The following USP47 variants were observed in gnomAD, a reference collection of about 807,000 sequenced individuals.
USP47 encodes ubiquitin specific peptidase 47, also known as ubiquitin carboxyl-terminal hydrolase 47.
Under a neutral mutation model 165.1 loss-of-function variants are expected in USP47, and 35 were observed. The ratio of observed to expected loss-of-function variants is 0.21; its 90% CI spans 0.16 to 0.28. USP47 has a LOEUF of 0.28. USP47 is among the 10% of genes least tolerant of loss of function. The probability of loss-of-function intolerance (pLI) is 1.00; values close to 1 mark genes in which losing one functional copy is unlikely to be tolerated. For synonymous variants in USP47, 531 were observed against 544.5 expected (o/e 0.98, Z 0.35); for missense variants, 1,277 against 1,607.4 (o/e 0.79, Z 3.52).
At chr11:11,871,942 A>C (rs1190422470) in intron 1 of USP47, among the ~76,000 whole-genome samples, 2 of 152,200 alleles carry the variant, frequency 1.3e-5, no homozygotes, top group Admixed American at 6.5e-5. Flanking sequence ...GATAAGGAGC[A>C]CCAACAGGAT....
At chr11:11,920,587 A>C in intron 10 of USP47, 93 bp downstream of exon 10, 19 of 1,155,494 alleles carry the variant, frequency 1.6e-5, no homozygotes, top group Non-Finnish European at 2.2e-5. Context: ...CACTGATGTC[A>C]TTTGGACTGT....
rs11022076 is a variant in USP47 at position 11,884,620 on chromosome 11, C to T, written c.357+40C>T. On this transcript the variant is annotated intron_variant, in intron 3 of 27. Coordinates refer to ENST00000527733, the MANE Select transcript of USP47 (RefSeq NM_001282659.2). The stretch of plus-strand genomic sequence containing the variant: ...AAGCCCCATATTTATAATTTTTGTG[C>T]ACTGTCACCTACTACTTGAGGATGC... 795 of 1,408,654 alleles carry T rather than the reference C, an allele frequency of 5.6e-4. 2 individuals carry two copies. The African/African-American group carries it at 7.9e-3, about 14-fold the overall frequency. 87.3% of individuals were successfully genotyped at this position (1,408,654 alleles called of 1,614,324 possible).
chr11:11,952,509 G>A lies in USP47; in HGVS notation c.3584-232G>A, dbSNP rs530794575. 2.4e-5 allele frequency: 7 copies of A among 295,664 alleles called. 1 individual carries two copies. In the South Asian group the frequency reaches 2.9e-4, roughly 12 times the overall value. The allele number at this position is 295,664 out of a possible 1,614,324, so 18.3% of individuals were successfully genotyped here. ...GTTCAACAGGAGTCAGGAGGGAGTG[G>A]AATTAGGAGTACTGGTTTGAAGAAG... On this transcript the variant is annotated intron_variant, in intron 24 of 27. Coordinates refer to ENST00000527733, the MANE Select transcript of USP47 (RefSeq NM_001282659.2).
chr11:11,865,112 T>G (rs1849596793), intron 1 of USP47, among the ~76,000 whole-genome samples: 1 of 152,204 alleles, frequency 6.6e-6, no homozygotes, highest in Admixed American at 6.5e-5. Context: ...GGGATTTGAT[T>G]ATGATGCGTC....
Position 11,942,917 on chromosome 11 carries a change from G to C in USP47, c.2896G>C (p.Asp966His), listed in dbSNP as rs763224788. 6.2e-6 allele frequency: 10 copies of C among 1,613,442 alleles called. No individual in the cohort carries two copies. Among genetic ancestry groups the C allele is most frequent in the Non-Finnish European group, 8.5e-6 (10 of 1,179,728 alleles). ...TCAGATCCCTTTGGCTAATGGACTT[G>C]ACTCTCACAGTATCACAAGTAGTAG... ...NAQIPLANGLDSHSITSSRRT... is the reference protein window; with the variant it reads ...NAQIPLANGLHSHSITSSRRT... The change falls in exon 20 of 28, where the codon GAC becomes CAC. Residue 966 changes from aspartate (D) to histidine (H), a missense_variant. Transcript: ENST00000527733.
intron 1 of USP47, among the ~76,000 whole-genome samples, chr11:11,863,401 C>T (rs1269355120): frequency 5.3e-5 from 8 of 152,094 alleles, no homozygotes; most frequent in East Asian, 3.8e-4. Flanking sequence ...ATTCCTAAAT[C>T]GAAATACACT....
chr11:11,947,878 G>T (rs953989933), intron 20 of USP47, 67 bp from the exon 21 acceptor site: 2 of 1,495,638 alleles, frequency 1.3e-6, no homozygotes, highest in African/African-American at 2.8e-5. Context: ...TATATGATCT[G>T]TTTTATTTAT....
At chr11:11,911,904 C>T (rs1853022640) in intron 8 of USP47, among the ~76,000 whole-genome samples, 1 of 151,746 alleles carries the variant, frequency 6.6e-6, no homozygotes, top group African/African-American at 2.4e-5. Flanking sequence ...TGATTTTTTT[C>T]AACAACAGTG....
intron 22 of USP47, chr11:11,948,825 C>A (rs1202161298): frequency 6.1e-6 from 2 of 328,150 alleles, no homozygotes; most frequent in Non-Finnish European, 1.1e-5. Context: ...GAACTTGGCC[C>A]TCAGGCCACT....
At chr11:11,951,502 T>C (rs561896331) in intron 24 of USP47, 17 of 152,282 alleles carry the variant, frequency 1.1e-4, no homozygotes, top group African/African-American at 4.1e-4. Context: ...GGGAGGCTTA[T>C]AGGAGGAAAG....
At chr11:11,877,653 A>G (rs973474822) in intron 1 of USP47, among the ~76,000 whole-genome samples, 2 of 152,188 alleles carry the variant, frequency 1.3e-5, no homozygotes, top group African/African-American at 4.8e-5. Flanking sequence ...TGTTAAAATG[A>G]TGAGTTAGGA....
chr11:11,909,890 G>C (rs1852837299), intron 8 of USP47, among the ~76,000 whole-genome samples: 1 of 152,164 alleles, frequency 6.6e-6, no homozygotes, highest in African/African-American at 2.4e-5. Flanking sequence ...ATTTACACAA[G>C]TTTATATTAT....
rs186795282 is a variant in USP47 at position 11,869,439 on chromosome 11, G to T, written c.40-10738G>T. Reference sequence around the variant, plus strand: ...AAATCAGTTGTGCATATTTGTGTAGGTCTCTATTGTGACATTGATCTATTT... The same window carrying T: ...AAATCAGTTGTGCATATTTGTGTAGTTCTCTATTGTGACATTGATCTATTT... On this transcript the variant is annotated intron_variant, in intron 1 of 27. Coordinates refer to ENST00000527733, the MANE Select transcript of USP47 (RefSeq NM_001282659.2). Among the ~76,000 whole-genome samples, 327 of 145,720 alleles carry T rather than the reference G, an allele frequency of 2.2e-3. 4 individuals are homozygous for T. Among genetic ancestry groups the T allele is most frequent in the East Asian group, 6.2e-4 (3 of 4,856 alleles).
Position 11,942,702 on chromosome 11 carries a change from A to G in USP47, c.2681A>G (p.Glu894Gly), listed in dbSNP as rs1271435734. The change falls in exon 20 of 28, where the codon GAG becomes GGG. Residue 894 changes from glutamate to glycine, a missense_variant. Around this residue, in one of 4 missense-constraint regions of USP47, gnomAD observed 909 missense variants for 1,068.1 expected, o/e 0.85. Coordinates refer to ENST00000527733, the MANE Select transcript of USP47 (RefSeq NM_001282659.2). ...GAAAACATCGAATCACCTCTCAATGAGAGGGACTCTTCAGCATCAGTGGAT... is the reference window on the plus strand; with the variant it reads ...GAAAACATCGAATCACCTCTCAATGGGAGGGACTCTTCAGCATCAGTGGAT... ...DFENIESPLN[E>G]RDSSASVDNR... 1 of 1,613,666 alleles carries G rather than the reference A, an allele frequency of 6.2e-7. No homozygotes were observed. The highest frequency in any genetic ancestry group is 8.5e-7 in the Non-Finnish European group (1 of 1,179,788).
At chr11:11,945,523 A>G (rs1389906893) in intron 20 of USP47, among the ~76,000 whole-genome samples, 2 of 152,216 alleles carry the variant, frequency 1.3e-5, no homozygotes, top group African/African-American at 4.8e-5. Flanking sequence ...ACACTGTCCT[A>G]GTAGGACTAG....
chr11:11,923,047 T>TAG (rs1853965596), intron 11 of USP47, among the ~76,000 whole-genome samples, 156 bp downstream of exon 11: 1 of 20,300 alleles, frequency 4.9e-5, no homozygotes, highest in Non-Finnish European at 9.8e-5. Context: ...TGTACATATA[T>TAG]ATATATATAT....
At chr11:11,925,777 G>A (rs550725480) in intron 11 of USP47, among the ~76,000 whole-genome samples, 3 of 151,936 alleles carry the variant, frequency 2.0e-5, no homozygotes, top group East Asian at 1.9e-4. Context: ...CCAGTACTAC[G>A]TTGAACAGAA....
intron 5 of USP47, among the ~76,000 whole-genome samples, chr11:11,899,783 AAAGG>A (rs760226341): frequency 2.1e-4 from 32 of 152,176 alleles, no homozygotes; most frequent in Non-Finnish European, 4.3e-4. Context: ...GGTCAAACAG[AAAGG>A]AAGGCCTTGA....
intron 1 of USP47, among the ~76,000 whole-genome samples, chr11:11,865,495 G>T (rs1174692928): frequency 6.6e-6 from 1 of 151,264 alleles, no homozygotes; most frequent in Non-Finnish European, 1.5e-5. Flanking sequence ...GAGACTTTCT[G>T]TTTTTTTTCA....
Sources: allele counts gnomAD v4.1 joint callset (sites outside exome capture counted in the v4.1 genomes callset), GRCh38; gene constraint gnomAD v4.1.1; regional missense constraint gnomAD v4.1.1; transcripts MANE v1.5; gene names NCBI Gene and HGNC (gene_info 2026-07-23, HGNC 2026-07-21).